AXIN2: variants seen among roughly 807,000 people sequenced by gnomAD.
AXIN2 encodes the protein axin-2.
A neutral mutation model predicts 74.7 loss-of-function variants in AXIN2; 21 were observed. The ratio of observed to expected loss-of-function variants is 0.28; its 90% CI spans 0.20 to 0.40. The LOEUF (loss-of-function observed/expected upper bound fraction) is 0.40. Ranked by LOEUF, AXIN2 falls within the 10% of genes least tolerant of loss-of-function variation. AXIN2 has a pLI of 1.00. For missense variants in AXIN2, 1,144 were observed against 1,111.1 expected (o/e 1.03, Z -0.42); for synonymous variants, 532 against 454.9 (o/e 1.17, Z -2.16).
rs2044081114 is a variant in AXIN2 at position 65,544,041 on chromosome 17, ACT to A, written c.957-2486_957-2485del. On this transcript the variant is annotated intron_variant, in intron 3 of 10. Transcript: ENST00000307078. Reference sequence around the variant, plus strand: ...CTTCTAGGGACTTAGACAGTGGATGACTCTGCTTCAGCCCTGTTCCTGACAGT... The same window carrying A: ...CTTCTAGGGACTTAGACAGTGGATGACTGCTTCAGCCCTGTTCCTGACAGT... Among the ~76,000 whole-genome samples the A allele has an allele frequency of 2.0e-5, 3 of 151,758 alleles. No individual in the cohort carries two copies. In the East Asian group the frequency reaches 5.8e-4, roughly 29 times the overall value.
At chr17:65,551,412 G>A (rs1214927307) in intron 2 of AXIN2, among the ~76,000 whole-genome samples, 1 of 152,202 alleles carries the variant, frequency 6.6e-6, no homozygotes, top group Admixed American at 6.5e-5. Flanking sequence ...TTCAGTGCAA[G>A]GTCATAGTCC....
intron 3 of AXIN2, 71 bp downstream of exon 3, chr17:65,549,449 C>T (rs909183444): frequency 4.4e-6 from 7 of 1,595,734 alleles, no homozygotes; most frequent in Admixed American, 1.7e-5. Flanking sequence ...GGATGACAGA[C>T]GATTCTGGCT....
chr17:65,529,795 T>C lies in AXIN2; in HGVS notation c.*181A>G, dbSNP rs2043785700. 9 of 903,610 alleles carry C rather than the reference T, an allele frequency of 1.0e-5. No homozygotes were observed. In the South Asian group the frequency reaches 1.1e-4, roughly 11 times the overall value. 56.0% of individuals were successfully genotyped at this position (903,610 alleles called of 1,614,324 possible). A position where few individuals can be genotyped will look rare whatever the true frequency, so the allele number is the denominator to read the frequency against. On this transcript the variant is annotated 3_prime_UTR_variant, in exon 11 of 11. Coordinates refer to ENST00000307078, the MANE Select transcript of AXIN2 (RefSeq NM_004655.4). ...CTTATCTCAGTCAGTACCCAGCTCA[T>C]GAATCATGAAAATCAACCTCCCCCC...
At chr17:65,560,877 G>C (rs1165214422) in intron 1 of AXIN2, 1 of 149,382 alleles carries the variant, frequency 6.7e-6, no homozygotes, top group African/African-American at 2.4e-5. Flanking sequence ...CCCCTGGCAG[G>C]GGCCCGGCCC....
chr17:65,558,949 G>A (rs1198601024), intron 1 of AXIN2, among the ~76,000 whole-genome samples: 1 of 152,168 alleles, frequency 6.6e-6, no homozygotes, highest in African/African-American at 2.4e-5. Flanking sequence ...CACTTTTCGG[G>A]GTTGGGGGTG....
At chr17:65,539,135 C>A (rs1054076011) in intron 4 of AXIN2, among the ~76,000 whole-genome samples, 1 of 152,130 alleles carries the variant, frequency 6.6e-6, no homozygotes, top group African/African-American at 2.4e-5. Flanking sequence ...CAGAGAGAAC[C>A]CCTGCTGCCC....
In AXIN2 at chr17:65,530,100, T is replaced by C. The variant is rs1280152084; in HGVS notation, c.2408A>G (p.Tyr803Cys). The change falls in exon 11 of 11, where the codon TAT becomes TGT. Residue 803 changes from tyrosine to cysteine, a missense_variant and splice_region_variant. Tyr to Cys is a radical substitution (Grantham distance 194). Around this residue, in one of 4 missense-constraint regions of AXIN2, gnomAD observed 65 missense variants for 95.7 expected, o/e 0.68. Coordinates refer to ENST00000307078, the MANE Select transcript of AXIN2 (RefSeq NM_004655.4). ...EQLSKKGNYR[Y>C]YFKKASDEFA... ...CTCATCGCTTGCTTTTTTGAAGTAATACCTTAAAAGGAAAACCAAAAAAGC... is the reference window on the plus strand; with the variant it reads ...CTCATCGCTTGCTTTTTTGAAGTAACACCTTAAAAGGAAAACCAAAAAAGC... The C allele has an allele frequency of 6.2e-7, 1 of 1,614,158 alleles. No homozygotes were observed.
At chr17:65,534,175 G>A (rs1012156833) in intron 9 of AXIN2, 96 bp from the exon 10 acceptor site, 1 of 1,453,488 alleles carries the variant, frequency 6.9e-7, no homozygotes, top group African/African-American at 1.4e-5. Flanking sequence ...AAGTGACAGG[G>A]TATCCAAACA....
At chr17:65,554,809 A>G (rs751335131) in intron 2 of AXIN2, among the ~76,000 whole-genome samples, 10 of 152,216 alleles carry the variant, frequency 6.6e-5, no homozygotes, top group Non-Finnish European at 1.0e-4. Flanking sequence ...AGGCGAGGAC[A>G]CAGGGAGGGC....
At chr17:65,541,701 C>G (rs369573016) in intron 3 of AXIN2, 144 bp from the exon 4 acceptor site, 4 of 754,214 alleles carry the variant, frequency 5.3e-6, no homozygotes, top group Admixed American at 2.0e-5. Context: ...CAGATACCAT[C>G]GGTGCTCCCA....
At chr17:65,547,654 CT>C (rs2144528656) in intron 3 of AXIN2, among the ~76,000 whole-genome samples, 1 of 152,340 alleles carries the variant, frequency 6.6e-6, no homozygotes, top group East Asian at 1.9e-4. Flanking sequence ...GTCTTATCGT[CT>C]GACGTAAACT....
intron 4 of AXIN2, among the ~76,000 whole-genome samples, chr17:65,539,133 A>AC (rs2044001008): frequency 6.6e-6 from 1 of 152,046 alleles, no homozygotes; most frequent in Admixed American, 6.5e-5. Context: ...AACAGAGAGA[A>AC]CCCCTGCTGC....
In AXIN2 at chr17:65,558,730, C is replaced by A; in HGVS notation, c.-110G>T. ...CAAGTCAGCAGGGGCTCATCTGAAC[C>A]TCCTCTCTGGAAAGAAAAGGAAGGG... On this transcript the variant is annotated 5_prime_UTR_variant, in exon 2 of 11. In the 5' UTR this introduces an upstream ATG that the reference lacks. Coordinates refer to ENST00000307078, the MANE Select transcript of AXIN2 (RefSeq NM_004655.4). The A allele has an allele frequency of 4.4e-6, 5 of 1,131,824 alleles. No homozygotes were observed. The South Asian group carries it at 6.6e-5, about 15-fold the overall frequency. 70.1% of individuals were successfully genotyped at this position (1,131,824 alleles called of 1,614,324 possible). A position where few individuals can be genotyped will look rare whatever the true frequency, so the allele number is the denominator to read the frequency against.
chr17:65,558,822 G>A lies in AXIN2; in HGVS notation c.-116-86C>T, dbSNP rs1189986066. On this transcript the variant is annotated intron_variant, in intron 1 of 10. Transcript: ENST00000307078. Reference sequence around the variant, plus strand: ...CCAGATCTACCCAACATCAAAGCAAGAAAGTAAACAGGCTTTTCAACTCCT... The same window carrying A: ...CCAGATCTACCCAACATCAAAGCAAAAAAGTAAACAGGCTTTTCAACTCCT... 22 of 611,744 alleles carry A rather than the reference G, an allele frequency of 3.6e-5. No homozygotes were observed. In the South Asian group the frequency reaches 4.4e-4, roughly 12 times the overall value. The allele number at this position is 611,744 out of a possible 1,614,324, so 37.9% of individuals were successfully genotyped here.
rs1458077502 is a variant in AXIN2, at chr17:65,536,529, G to A, written c.1932C>T (p.Tyr644=). 3 of 1,613,862 alleles carry A rather than the reference G, an allele frequency of 1.9e-6. No individual in the cohort carries two copies. The highest frequency in any genetic ancestry group is 1.3e-5 in the African/African-American group (1 of 75,076). ...PHSAQSTKKA[Y]PLESARSSPG... ...GAGACGAGCGGGCAGACTCCAAGGG[G>A]TAGGCCTTTTTTGTGCTTTGGGCAC... The change falls in exon 8 of 11, where the codon TAC becomes TAT. Residue 644 remains tyrosine, a synonymous_variant. Coordinates refer to ENST00000307078, the MANE Select transcript of AXIN2 (RefSeq NM_004655.4).
At chr17:65,546,521 A>G (rs534252559) in intron 3 of AXIN2, among the ~76,000 whole-genome samples, 2 of 152,186 alleles carry the variant, frequency 1.3e-5, no homozygotes, top group Non-Finnish European at 2.9e-5. Context: ...CTGGCACCCA[A>G]TGGCAGCTTG....
chr17:65,543,792 G>A (rs2044076851), intron 3 of AXIN2, among the ~76,000 whole-genome samples: 1 of 152,218 alleles, frequency 6.6e-6, no homozygotes, highest in Non-Finnish European at 1.5e-5. Context: ...GATAAGGCAT[G>A]AGGGGGAAAT....
intron 2 of AXIN2, among the ~76,000 whole-genome samples, chr17:65,552,859 T>G (rs2044213430): frequency 6.6e-6 from 1 of 151,892 alleles, no homozygotes. Flanking sequence ...AGAAACCCCG[T>G]CTCTACTAAA....
Position 65,553,853 on chromosome 17 carries a change from G to GGC in AXIN2, c.815+3952_815+3953insGC, listed in dbSNP as rs1555582287. ...GATTACTTAAAAAAAAAGGCGGGGG[G>GGC]GGGGGGAGGAAACTCAAACCACGCT... On this transcript the variant is annotated intron_variant, in intron 2 of 10. Coordinates refer to ENST00000307078, the MANE Select transcript of AXIN2 (RefSeq NM_004655.4). Among the ~76,000 whole-genome samples the GGC allele has an allele frequency of 4.7e-5, 7 of 149,550 alleles. 1 individual carries two copies. Among genetic ancestry groups the GGC allele is most frequent in the Admixed American group, 2.0e-4 (3 of 15,004 alleles).
Sources: gnomAD v4.1 joint callset for allele counts (sites outside exome capture counted in the v4.1 genomes callset) on GRCh38, gnomAD v4.1.1 for gene constraint, gnomAD v4.1.1 regional missense constraint, MANE v1.5 for transcripts, NCBI Gene and HGNC (gene_info 2026-07-23, HGNC 2026-07-21) for gene names.